Variants in OTUD5 observed in about 807,000 individuals in gnomAD.
OTUD5 encodes the protein OTU deubiquitinase 5.
A neutral mutation model predicts 36.3 loss-of-function variants in OTUD5; 2 were observed. That is an observed-to-expected ratio of 0.06 (90% CI 0.02 to 0.17). The LOEUF is 0.17. Among genes scored for constraint, OTUD5 ranks in the 10% least tolerant of loss-of-function variants. OTUD5 has a pLI of 1.00. For missense variants in OTUD5, 233 were observed against 512.3 expected (o/e 0.45, Z 5.26); for synonymous variants, 234 against 214.9 (o/e 1.09, Z -0.78).
At chrX:48,936,329 G>T in intron 2 of OTUD5, 1 of 111,659 alleles carries the variant, frequency 9.0e-6, no homozygotes, top group Non-Finnish European at 1.9e-5. Flanking sequence ...TTCTCTTCAG[G>T]ACGCTCCTTC....
rs2063665826 is a variant in OTUD5 at position 48,926,355 on chromosome X, T to A, written c.1060-305A>T. 3.7e-5 allele frequency among the ~76,000 whole-genome samples: 4 copies of A among 108,886 alleles called. 1 individual carries two copies. The South Asian group carries it at 1.6e-3, about 44-fold the overall frequency. The allele number at this position is 108,886 out of a possible 115,157, so 94.6% of individuals were successfully genotyped here. On this transcript the variant is annotated intron_variant, in intron 5 of 8. Coordinates refer to ENST00000376488, the MANE Select transcript of OTUD5 (RefSeq NM_001136157.2). ...GTGCCTTCCAACCTGGGACTTATTT[T>A]TTTTTTTTTTTCTGAGACGAAGTAT...
At chrX:48,946,443 G>C (rs1224514064) in intron 1 of OTUD5, among the ~76,000 whole-genome samples, 2 of 111,590 alleles carry the variant, frequency 1.8e-5, no homozygotes, top group Non-Finnish European at 3.8e-5. Context: ...GGTGAGTAGC[G>C]GGACAGGAGG....
chrX:48,944,697 T>TTAC (rs2063992185), intron 1 of OTUD5, among the ~76,000 whole-genome samples: 4 of 111,881 alleles, frequency 3.6e-5, no homozygotes, highest in Non-Finnish European at 5.7e-5. Flanking sequence ...AGAGCCTAGA[T>TTAC]CCTGAACCTG....
In OTUD5 at chrX:48,934,524, C is replaced by T; in HGVS notation, c.999G>A (p.Val333=). 2 of 1,209,734 alleles carry T rather than the reference C, an allele frequency of 1.7e-6. No individual in the cohort carries two copies. Among genetic ancestry groups the T allele is most frequent in the Non-Finnish European group, 2.2e-6 (2 of 893,854 alleles). Residue 333 remains valine, a synonymous_variant, in exon 5 of 9, where the codon GTG becomes GTA. Coordinates refer to ENST00000376488, the MANE Select transcript of OTUD5 (RefSeq NM_001136157.2). ...CAATGGTGGCCTTGTTAGGATTCACCACTGAATTATAGTGGATATTCCGAT... is the reference window on the plus strand; with the variant it reads ...CAATGGTGGCCTTGTTAGGATTCACTACTGAATTATAGTGGATATTCCGAT... The part of the protein sequence containing the change: ...SYHRNIHYNS[V]VNPNKATIGV...
At chrX:48,937,025 G>A (rs1557050120) in intron 2 of OTUD5, among the ~76,000 whole-genome samples, 1 of 111,855 alleles carries the variant, frequency 8.9e-6, no homozygotes, top group African/African-American at 3.3e-5. Flanking sequence ...CTCTGAGATA[G>A]AAAATAGGGC....
intron 1 of OTUD5, among the ~76,000 whole-genome samples, chrX:48,955,610 C>A (rs1175174107): frequency 2.7e-5 from 3 of 110,510 alleles, no homozygotes; most frequent in African/African-American, 9.9e-5. Context: ...GTAGGGAGGC[C>A]CCAGACATCA....
chrX:48,936,380 C>CTTTA (rs1481307091), intron 2 of OTUD5: 16 of 111,243 alleles, frequency 1.4e-4, no homozygotes, highest in African/African-American at 3.3e-4. Flanking sequence ...CCAATGTGTT[C>CTTTA]TTTATTTATT....
At chrX:48,943,913 G>T in intron 2 of OTUD5, among the ~76,000 whole-genome samples, 1 of 111,971 alleles carries the variant, frequency 8.9e-6, no homozygotes, top group African/African-American at 3.2e-5. Context: ...TAGCTTAGAG[G>T]GGAATCAAAG....
At chrX:48,954,396 G>T (rs782719051) in intron 1 of OTUD5, among the ~76,000 whole-genome samples, 3 of 110,811 alleles carry the variant, frequency 2.7e-5, no homozygotes, top group Admixed American at 9.5e-5. Context: ...GCAAGGGAGG[G>T]GAGTAAGGAG....
rs782293526 is a variant in OTUD5, at chrX:48,922,755, C to A, written c.*419G>T. 108 of 762,226 alleles carry A rather than the reference C, an allele frequency of 1.4e-4. No homozygotes were observed. In the African/African-American group the frequency reaches 2.4e-3, roughly 17 times the overall value. 62.8% of individuals were successfully genotyped at this position (762,226 alleles called of 1,213,427 possible). On this transcript the variant is annotated 3_prime_UTR_variant, in exon 9 of 9. Coordinates refer to ENST00000376488, the MANE Select transcript of OTUD5 (RefSeq NM_001136157.2). Reference sequence around the variant, plus strand: ...CCTCCCACCTCCCTGGCATCAGTGTCGGGGGGTGGCGGCAAGTTTTTCTCA... The same window carrying A: ...CCTCCCACCTCCCTGGCATCAGTGTAGGGGGGTGGCGGCAAGTTTTTCTCA...
At chrX:48,925,767 A>AT in intron 6 of OTUD5, 80 bp downstream of exon 6, 2 of 865,496 alleles carry the variant, frequency 2.3e-6, no homozygotes, top group Admixed American at 2.7e-5. Context: ...AAACTGCTTA[A>AT]TTTTTTTCTG....
intron 1 of OTUD5, among the ~76,000 whole-genome samples, chrX:48,948,386 AAAAC>A (rs1443537966): frequency 8.9e-6 from 1 of 111,940 alleles, no homozygotes; most frequent in Non-Finnish European, 1.9e-5. Flanking sequence ...AAAAAACAAA[AAAAC>A]AAAGGCAGAA....
intron 1 of OTUD5, among the ~76,000 whole-genome samples, chrX:48,950,126 T>G (rs782165100): frequency 1.1e-5 from 1 of 94,657 alleles, no homozygotes; most frequent in East Asian, 3.1e-4. Flanking sequence ...CAGAGTGAGA[T>G]TCCACCTCAA....
At chrX:48,942,297 G>GACAC (rs1396618587) in intron 2 of OTUD5, among the ~76,000 whole-genome samples, 1 of 44,016 alleles carries the variant, frequency 2.3e-5, no homozygotes, top group African/African-American at 1.0e-4. Context: ...CAGCTAGCTA[G>GACAC]ATACACACAC....
In OTUD5 at chrX:48,922,827, C is replaced by G. The variant is rs1410285949; in HGVS notation, c.*347G>C. The G allele has an allele frequency of 1.7e-5, 14 of 814,823 alleles. No individual in the cohort carries two copies. The highest frequency in any genetic ancestry group is 2.1e-5 in the Non-Finnish European group (14 of 678,758). 67.2% of individuals were successfully genotyped at this position (814,823 alleles called of 1,213,427 possible). On this transcript the variant is annotated 3_prime_UTR_variant, in exon 9 of 9. Transcript: ENST00000376488. ...GGGAGACTTTCCTCTGTCTGAATGT[C>G]TCTCTCCTCTGGGGCTGCCTGGCTG...
intron 1 of OTUD5, among the ~76,000 whole-genome samples, chrX:48,954,717 T>C (rs1381571448): frequency 1.8e-5 from 2 of 111,990 alleles, no homozygotes; most frequent in East Asian, 5.6e-4. Context: ...ACCCCTTTCC[T>C]GTCCCTGGGA....
At chrX:48,924,893 G>A (rs941278810) in intron 6 of OTUD5, among the ~76,000 whole-genome samples, 1 of 111,631 alleles carries the variant, frequency 9.0e-6, no homozygotes, top group African/African-American at 3.3e-5. Context: ...TCACAAGGAC[G>A]GGGATCTTGG....
At chrX:48,937,688 A>T (rs933964992) in intron 2 of OTUD5, among the ~76,000 whole-genome samples, 2 of 112,535 alleles carry the variant, frequency 1.8e-5, no homozygotes, top group Non-Finnish European at 1.9e-5. Context: ...CCTCATGCAT[A>T]AGGTGGAGAC....
chrX:48,932,086 T>G (rs1257257312), intron 5 of OTUD5, among the ~76,000 whole-genome samples: 1 of 99,668 alleles, frequency 1.0e-5, no homozygotes, highest in Non-Finnish European at 2.0e-5. Flanking sequence ...GAGGCAGAGG[T>G]TGCAGTGAGC....
Sources: allele counts gnomAD v4.1 joint callset (sites outside exome capture counted in the v4.1 genomes callset), GRCh38; gene constraint gnomAD v4.1.1; transcripts MANE v1.5; gene names NCBI Gene and HGNC (gene_info 2026-07-23, HGNC 2026-07-21).